RYR2: variants seen among roughly 807,000 people sequenced by gnomAD.
RYR2 encodes ryanodine receptor 2, also known as cardiac muscle ryanodine receptor-calcium release channel.
A neutral mutation model predicts 601.1 loss-of-function variants in RYR2; 227 were observed. That is an observed-to-expected ratio of 0.38 (90% confidence interval 0.34 to 0.42). RYR2 has a LOEUF of 0.42. Among genes scored for constraint, RYR2 ranks in the 10% least tolerant of loss-of-function variants. RYR2 has a pLI of 1.00. For synonymous variants in RYR2, 2,223 were observed against 2,175.1 expected, an observed-to-expected ratio of 1.02 and a Z score of -0.61; for missense variants, 4,646 against 6,156.5, an observed-to-expected ratio of 0.75 and a Z score of 8.21.
rs556305251 is a variant in RYR2, at chr1:237,697,515, A to T, written c.9068-1450A>T. The stretch of plus-strand genomic sequence containing the variant: ...ATATTATATAATATAATTATATATA[A>T]TCTTTTTGTATATAACAAATATTTT... On this transcript the variant is annotated intron_variant, in intron 63 of 104. Transcript: ENST00000366574. Among the ~76,000 whole-genome samples, 42 of 145,340 alleles carry T rather than the reference A, an allele frequency of 2.9e-4. No individual in the cohort carries two copies. In the South Asian group the frequency reaches 8.8e-3, roughly 31 times the overall value.
chr1:237,695,135 T>A (rs1462123300), intron 63 of RYR2, among the ~76,000 whole-genome samples: 1 of 152,128 alleles, frequency 6.6e-6, no homozygotes, highest in Non-Finnish European at 1.5e-5. Flanking sequence ...AAACTTTATT[T>A]AAAAAAACAA....
At chr1:237,384,739 G>A (rs1701828990) in intron 8 of RYR2, among the ~76,000 whole-genome samples, 1 of 152,082 alleles carries the variant, frequency 6.6e-6, no homozygotes, top group South Asian at 2.1e-4. Context: ...GATCCTACTG[G>A]CTCCCTCAAA....
chr1:237,736,723 G>A (rs1307993260), intron 79 of RYR2, among the ~76,000 whole-genome samples: 2 of 152,098 alleles, frequency 1.3e-5, no homozygotes, highest in Non-Finnish European at 2.9e-5. Context: ...ATGGCACATG[G>A]GCTAGAAATT....
chr1:237,712,694 A>G (rs1276604000), intron 71 of RYR2, among the ~76,000 whole-genome samples: 3 of 152,346 alleles, frequency 2.0e-5, no homozygotes, highest in East Asian at 3.9e-4. Context: ...TGCATTATTT[A>G]AAAGCCACAT....
At chr1:237,451,900 T>C (rs1261871188) in intron 14 of RYR2, among the ~76,000 whole-genome samples, 1 of 151,844 alleles carries the variant, frequency 6.6e-6, no homozygotes, top group African/African-American at 2.4e-5. Context: ...CATTTGTGTT[T>C]TTCTTATGTG....
At chr1:237,725,376 A>T (rs936730687) in intron 74 of RYR2, among the ~76,000 whole-genome samples, 1 of 152,150 alleles carries the variant, frequency 6.6e-6, no homozygotes, top group African/African-American at 2.4e-5. Context: ...ATAACATGTG[A>T]CTGAGTCACA....
At chr1:237,355,670 G>C (rs1699234069) in intron 3 of RYR2, among the ~76,000 whole-genome samples, 1 of 152,124 alleles carries the variant, frequency 6.6e-6, no homozygotes, top group African/African-American at 2.4e-5. Flanking sequence ...TTGAGAATTA[G>C]AGAAATGTTC....
At chr1:237,477,921 C>T (rs909265932) in intron 17 of RYR2, among the ~76,000 whole-genome samples, 2 of 152,186 alleles carry the variant, frequency 1.3e-5, no homozygotes, top group Non-Finnish European at 2.9e-5. Context: ...ACTGTCCAGG[C>T]AGTCCCCTCA....
At chr1:237,572,463 C>G (rs1020241071) in intron 29 of RYR2, among the ~76,000 whole-genome samples, 1 of 152,178 alleles carries the variant, frequency 6.6e-6, no homozygotes, top group African/African-American at 2.4e-5. Context: ...AGACCAATCA[C>G]CATTGCAATA....
At chr1:237,192,081 A>T (rs144268372) in intron 1 of RYR2, among the ~76,000 whole-genome samples, 271 of 152,128 alleles carry the variant, frequency 1.8e-3, no homozygotes, top group African/African-American at 6.3e-3. Flanking sequence ...GAGCTTAGAG[A>T]AGTCAGGTGA....
At chr1:237,607,386 G>T (rs1327858718) in intron 35 of RYR2, among the ~76,000 whole-genome samples, 1 of 143,198 alleles carries the variant, frequency 7.0e-6, no homozygotes, top group Non-Finnish European at 1.5e-5. Context: ...AAAACACTTG[G>T]ACACAGGAAG....
At chr1:237,746,789 A>G (rs1692114730) in intron 80 of RYR2, among the ~76,000 whole-genome samples, 1 of 152,312 alleles carries the variant, frequency 6.6e-6, no homozygotes, top group African/African-American at 2.4e-5. Flanking sequence ...ATGTTTTACC[A>G]GTTACCTGAA....
intron 100 of RYR2, among the ~76,000 whole-genome samples, chr1:237,815,124 T>C (rs953057547): frequency 4.6e-5 from 7 of 152,116 alleles, no homozygotes; most frequent in African/African-American, 1.7e-4. Context: ...CTATAACATC[T>C]TGGAAATCAA....
chr1:237,640,926 T>C lies in RYR2; in HGVS notation c.7145T>C (p.Ile2382Thr). 1 of 1,613,632 alleles carries C rather than the reference T, an allele frequency of 6.2e-7. No individual in the cohort carries two copies. The highest frequency in any genetic ancestry group is 8.5e-7 in the Non-Finnish European group (1 of 1,179,782). The change falls in exon 47 of 105, where the codon ATC becomes ACC. Residue 2382 changes from isoleucine to threonine, a missense_variant. This residue lies in a region of RYR2 where 1,497 missense variants were observed against 1,842.6 expected (regional missense o/e 0.81). Coordinates refer to ENST00000366574, the MANE Select transcript of RYR2 (RefSeq NM_001035.3). ...LDTEEEEDDT[I>T]HMGNAIMTFY... The stretch of plus-strand genomic sequence containing the variant: ...ACAGAGGAGGAGGAAGATGACACTA[T>C]CCACATGGGGAACGCGATCATGACC...
intron 25 of RYR2, among the ~76,000 whole-genome samples, chr1:237,537,374 A>C (rs1668753122): frequency 1.3e-5 from 2 of 152,140 alleles, no homozygotes; most frequent in South Asian, 4.1e-4. Flanking sequence ...CCCAGGCTGG[A>C]GTGCAGTAGC....
chr1:237,590,541 A>G (rs1479721095), intron 30 of RYR2, 99 bp from the exon 31 acceptor site: 15 of 924,528 alleles, frequency 1.6e-5, no homozygotes, highest in South Asian at 7.8e-5. Flanking sequence ...TGTGGACCGC[A>G]TTTGGGATTC....
chr1:237,477,782 C>CT (rs923601010), intron 17 of RYR2, among the ~76,000 whole-genome samples: 26 of 152,168 alleles, frequency 1.7e-4, no homozygotes, highest in African/African-American at 6.3e-4. Context: ...CTCAAGCCAA[C>CT]TTGCCTCTTG....
chr1:237,483,099 A>G (rs925521412), intron 17 of RYR2, among the ~76,000 whole-genome samples: 34 of 152,014 alleles, frequency 2.2e-4, no homozygotes, highest in African/African-American at 7.7e-4. Context: ...CTGATTTACT[A>G]ATTTACCTGA....
chr1:237,492,778 C>G (rs139713256), intron 18 of RYR2, among the ~76,000 whole-genome samples, 176 bp from the exon 19 acceptor site: 1 of 149,106 alleles, frequency 6.7e-6, no homozygotes, highest in African/African-American at 2.5e-5. Flanking sequence ...GAGCTATGAT[C>G]GCATCACTGC....
Sources: allele counts gnomAD v4.1 joint callset (sites outside exome capture counted in the v4.1 genomes callset), GRCh38; gene constraint gnomAD v4.1.1; regional missense constraint gnomAD v4.1.1; transcripts MANE v1.5; gene names NCBI Gene and HGNC (gene_info 2026-07-23, HGNC 2026-07-21).